The following PPP2CA variants were observed in gnomAD, a reference collection of about 807,000 sequenced individuals.
The protein encoded by PPP2CA is serine/threonine-protein phosphatase 2A catalytic subunit alpha isoform.
In PPP2CA, 5 loss-of-function variants were observed where a neutral mutation model predicts 38.8. The ratio of observed to expected loss-of-function variants is 0.13; its 90% CI spans 0.07 to 0.27. PPP2CA has a LOEUF of 0.27. Ranked by LOEUF, PPP2CA falls within the 10% of genes least tolerant of loss-of-function variation. The pLI is 1.00. For missense variants in PPP2CA, 88 were observed against 389.7 expected (o/e 0.23, Z 6.52); for synonymous variants, 152 against 134.0 (o/e 1.13, Z -0.93).
In PPP2CA at chr5:134,197,717, T is replaced by C. The variant is rs1350972549; in HGVS notation, c.*55A>G. 2 of 1,415,814 alleles carry C rather than the reference T, an allele frequency of 1.4e-6. No homozygotes were observed. Among genetic ancestry groups the C allele is most frequent in the African/African-American group, 2.8e-5 (2 of 70,900 alleles). 87.7% of individuals were successfully genotyped at this position (1,415,814 alleles called of 1,614,324 possible). A position where few individuals can be genotyped will look rare whatever the true frequency, so the allele number is the denominator to read the frequency against. Reference sequence around the variant, plus strand: ...TTTGGAGTTACTGTTGCTCTTCCCATTTCCATTAGGTCGATATATGGTTCA... The same window carrying C: ...TTTGGAGTTACTGTTGCTCTTCCCACTTCCATTAGGTCGATATATGGTTCA... On this transcript the variant is annotated 3_prime_UTR_variant, in exon 7 of 7. Coordinates refer to ENST00000481195, the MANE Select transcript of PPP2CA (RefSeq NM_002715.4).
chr5:134,216,093 A>AT (rs1241189812), intron 1 of PPP2CA, among the ~76,000 whole-genome samples: 1 of 152,256 alleles, frequency 6.6e-6, no homozygotes, highest in African/African-American at 2.4e-5. Flanking sequence ...AGTTAATCAC[A>AT]TAACAGTACC....
intron 6 of PPP2CA, among the ~76,000 whole-genome samples, chr5:134,198,083 CAAACA>C (rs143894324): frequency 6.6e-6 from 1 of 152,066 alleles, no homozygotes; most frequent in African/African-American, 2.4e-5. Flanking sequence ...ACTGAAATTT[CAAACA>C]AAACAAAACA....
intron 1 of PPP2CA, among the ~76,000 whole-genome samples, chr5:134,214,792 A>T (rs1401016912): frequency 2.6e-5 from 4 of 152,140 alleles, no homozygotes; most frequent in Non-Finnish European, 5.9e-5. Context: ...TTAAATATAT[A>T]GCCAGAAATT....
In PPP2CA at chr5:134,210,047, C is replaced by T. The variant is rs1762172456; in HGVS notation, c.103-3916G>A. Among the ~76,000 whole-genome samples the T allele has an allele frequency of 2.0e-5, 3 of 151,306 alleles. No homozygotes were observed. In the South Asian group the frequency reaches 6.3e-4, roughly 32 times the overall value. ...CAGCCATGATCACTTGACCCCAGGA[C>T]GGTCAAGGATGCAGTGAGCCGTGAT... On this transcript the variant is annotated intron_variant, in intron 1 of 6. Transcript: ENST00000481195.
rs1254788959 is a variant in PPP2CA, at chr5:134,226,061, C to T, written c.-200G>A. Reference sequence around the variant, plus strand: ...TCCTCCGCTCGCTGAGGCTCCAGAGCTCGGCTCTCTGTAATGGCGGCCGCC... The same window carrying T: ...TCCTCCGCTCGCTGAGGCTCCAGAGTTCGGCTCTCTGTAATGGCGGCCGCC... On this transcript the variant is annotated 5_prime_UTR_variant, in exon 1 of 7. Coordinates refer to ENST00000481195, the MANE Select transcript of PPP2CA (RefSeq NM_002715.4). 7.9e-6 allele frequency: 4 copies of T among 507,296 alleles called. No homozygotes were observed. The highest frequency in any genetic ancestry group is 2.5e-5 in the South Asian group (1 of 40,776). 31.4% of individuals were successfully genotyped at this position (507,296 alleles called of 1,614,324 possible).
intron 1 of PPP2CA, among the ~76,000 whole-genome samples, chr5:134,206,848 C>T (rs1256665831): frequency 6.6e-6 from 1 of 152,204 alleles, no homozygotes; most frequent in African/African-American, 2.4e-5. Context: ...CAGCCCCATG[C>T]TAGCAACTGG....
intron 3 of PPP2CA, 55 bp downstream of exon 3, chr5:134,201,793 A>G: frequency 1.3e-6 from 2 of 1,564,198 alleles, no homozygotes; most frequent in Non-Finnish European, 1.7e-6. Flanking sequence ...GCACCTGAAC[A>G]CTAAAGAAAG....
intron 1 of PPP2CA, among the ~76,000 whole-genome samples, chr5:134,225,072 G>T (rs1413833815): frequency 6.6e-6 from 1 of 152,198 alleles, no homozygotes; most frequent in Non-Finnish European, 1.5e-5. Context: ...AGCTCCTTAT[G>T]TAGTATGACT....
At chr5:134,218,779 C>T (rs963981025) in intron 1 of PPP2CA, among the ~76,000 whole-genome samples, 1 of 152,052 alleles carries the variant, frequency 6.6e-6, no homozygotes, top group African/African-American at 2.4e-5. Flanking sequence ...AGCAATTCTC[C>T]TGCCTCAGCC....
chr5:134,213,405 C>A (rs1484887623), intron 1 of PPP2CA, among the ~76,000 whole-genome samples: 1 of 136,350 alleles, frequency 7.3e-6, no homozygotes, highest in Non-Finnish European at 1.6e-5. Flanking sequence ...ATTACTGAGA[C>A]CTACTGCTCA....
chr5:134,225,163 A>G lies in PPP2CA; in HGVS notation c.102+597T>C, dbSNP rs4473814. On this transcript the variant is annotated intron_variant, in intron 1 of 6. Transcript: ENST00000481195. ...AGCTACCACCATGACCTTCGTAAAA[A>G]TTAGGTTAAGAGAATAATTTAAAAA... Among the ~76,000 whole-genome samples the G allele has an allele frequency of 1.8e-3, 268 of 152,352 alleles. 3 individuals are homozygous for G. Among genetic ancestry groups the G allele is most frequent in the East Asian group, 0.015 (77 of 5,192 alleles).
Position 134,207,164 on chromosome 5 carries a change from G to A in PPP2CA, c.103-1033C>T, listed in dbSNP as rs188885133. ...CGCACCTGTAATCCCAGCACTTTGG[G>A]AGGCCAAGGCGGGCCGATCACTTGA... On this transcript the variant is annotated intron_variant, in intron 1 of 6. Coordinates refer to ENST00000481195, the MANE Select transcript of PPP2CA (RefSeq NM_002715.4). 4.4e-3 allele frequency among the ~76,000 whole-genome samples: 669 copies of A among 152,280 alleles called. 7 individuals are homozygous for A. The Middle Eastern group carries it at 0.065, about 15-fold the overall frequency.
chr5:134,202,678 G>A (rs1270406690), intron 2 of PPP2CA, among the ~76,000 whole-genome samples: 1 of 152,132 alleles, frequency 6.6e-6, no homozygotes. Context: ...TATGAATAAT[G>A]TTGCTATAAT....
intron 1 of PPP2CA, among the ~76,000 whole-genome samples, chr5:134,224,760 A>G (rs1435177264): frequency 6.6e-6 from 1 of 152,256 alleles, no homozygotes; most frequent in East Asian, 1.9e-4. Flanking sequence ...TAGCTAATAT[A>G]AAGTTTAGTG....
At chr5:134,212,752 AGTGAACACACAAATAGTAAGT>A (rs1191609170) in intron 1 of PPP2CA, among the ~76,000 whole-genome samples, 1 of 152,270 alleles carries the variant, frequency 6.6e-6, no homozygotes, top group African/African-American at 2.4e-5. Context: ...ATGCTACTTC[AGTGAACACACAAATAGTAAGT>A]AAGCCAAACA....
At position 134,220,010 on chromosome 5, in the gene PPP2CA, CAAAAAAA is replaced by C. The variant is rs10578851; in HGVS notation, c.102+5743_102+5749del. On this transcript the variant is annotated intron_variant, in intron 1 of 6. Transcript: ENST00000481195. ...TGGGCAACAGAGCGAGGCTCCGTAT[CAAAAAAA>C]AAAAAAAAAAAAAAGCAGTTAATCT... is the stretch of plus-strand genomic sequence containing the variant. 6.8e-5 allele frequency among the ~76,000 whole-genome samples: 7 copies of C among 103,520 alleles called. No homozygotes were observed. In the East Asian group the frequency reaches 2.0e-3, roughly 29 times the overall value. The allele number at this position is 103,520 out of a possible 152,430, so 67.9% of individuals were successfully genotyped here.
intron 1 of PPP2CA, among the ~76,000 whole-genome samples, chr5:134,220,456 CAAA>C (rs10649430): frequency 3.1e-4 from 17 of 54,054 alleles, no homozygotes; most frequent in South Asian, 1.3e-3. Flanking sequence ...GACTCTATCT[CAAA>C]AAAAAAAAAA....
intron 1 of PPP2CA, among the ~76,000 whole-genome samples, chr5:134,221,775 G>T (rs535377949): frequency 1.3e-5 from 2 of 152,066 alleles, no homozygotes; most frequent in African/African-American, 4.8e-5. Flanking sequence ...TTCGAGACTA[G>T]CCTGGCCAAC....
At chr5:134,207,334 G>C (rs1023443880) in intron 1 of PPP2CA, among the ~76,000 whole-genome samples, 2 of 152,176 alleles carry the variant, frequency 1.3e-5, no homozygotes, top group Non-Finnish European at 2.9e-5. Flanking sequence ...AAACTTGGGA[G>C]GTGGAGGTTG....
Sources: gnomAD v4.1 joint callset for allele counts (sites outside exome capture counted in the v4.1 genomes callset) on GRCh38, gnomAD v4.1.1 for gene constraint, MANE v1.5 for transcripts, NCBI Gene and HGNC (gene_info 2026-07-23, HGNC 2026-07-21) for gene names.